ANK3: variants seen among roughly 807,000 people sequenced by gnomAD.
ANK3 encodes ankyrin 3.
In ANK3, 57 loss-of-function variants were observed where a neutral mutation model predicts 370.9. The ratio of observed to expected loss-of-function variants is 0.15; its 90% CI spans 0.12 to 0.19. The LOEUF (loss-of-function observed/expected upper bound fraction) is 0.19, where lower values mean the gene tolerates loss of function less well. Among genes scored for constraint, ANK3 ranks in the 10% least tolerant of loss-of-function variants. ANK3 has a pLI of 1.00. For synonymous variants in ANK3, 1,929 were observed against 1,946.3 expected (o/e 0.99, Z 0.23); for missense variants, 4,439 against 5,302.1 (o/e 0.84, Z 5.06).
chr10:60,293,901 G>A (rs937024145), intron 1 of ANK3, among the ~76,000 whole-genome samples: 1 of 152,146 alleles, frequency 6.6e-6, no homozygotes, highest in Non-Finnish European at 1.5e-5. Flanking sequence ...GGCATTATAC[G>A]TGGTAGATTA....
At chr10:60,031,854 G>C (rs550289126) in intron 43 of ANK3, among the ~76,000 whole-genome samples, 1 of 152,034 alleles carries the variant, frequency 6.6e-6, no homozygotes, top group Non-Finnish European at 1.5e-5. Flanking sequence ...CATGCCCCAG[G>C]TCACTAATGC....
intron 25 of ANK3, among the ~76,000 whole-genome samples, chr10:60,130,705 GCA>G (rs1179168632): frequency 6.6e-6 from 1 of 152,164 alleles, no homozygotes; most frequent in Non-Finnish European, 1.5e-5. Context: ...CATGAGTCTT[GCA>G]CAGTGTATCT....
chr10:60,706,103 C>T (rs1448493940), intron 1 of ANK3, among the ~76,000 whole-genome samples: 3 of 152,138 alleles, frequency 2.0e-5, no homozygotes, highest in African/African-American at 7.2e-5. Flanking sequence ...GCATGAGCCA[C>T]CGCACTGGTG....
At chr10:60,180,810 T>G (rs903936152) in intron 18 of ANK3, among the ~76,000 whole-genome samples, 3 of 151,686 alleles carry the variant, frequency 2.0e-5, no homozygotes, top group Non-Finnish European at 4.4e-5. Context: ...TTAGCAATTT[T>G]TTTTTCTTTT....
chr10:60,316,379 T>C (rs994483845), intron 1 of ANK3, among the ~76,000 whole-genome samples: 5 of 152,190 alleles, frequency 3.3e-5, no homozygotes, highest in African/African-American at 1.2e-4. Context: ...GCTGACAACC[T>C]GGGTTTAAAG....
chr10:60,409,069 C>T (rs1397741188), intron 2 of ANK3, among the ~76,000 whole-genome samples: 1 of 152,192 alleles, frequency 6.6e-6, no homozygotes, highest in Non-Finnish European at 1.5e-5. Context: ...AAAATCCTTA[C>T]TACAAGTTGC....
chr10:60,697,738 T>G (rs1282794690), intron 1 of ANK3, among the ~76,000 whole-genome samples: 1 of 152,120 alleles, frequency 6.6e-6, no homozygotes, highest in African/African-American at 2.4e-5. Flanking sequence ...CCTTACACCT[T>G]ATATAAAAAT....
At chr10:60,160,012 T>C (rs1007768448) in intron 23 of ANK3, among the ~76,000 whole-genome samples, 4 of 151,814 alleles carry the variant, frequency 2.6e-5, no homozygotes, top group Non-Finnish European at 5.9e-5. Flanking sequence ...CTTATAGAAT[T>C]AGAAAAGCAA....
chr10:60,064,107 T>C (rs1447520784), intron 39 of ANK3, 50 bp downstream of exon 39: 1 of 1,492,422 alleles, frequency 6.7e-7, no homozygotes, highest in South Asian at 1.4e-5. Flanking sequence ...TTATCTAAAA[T>C]ATTACATTTA....
intron 23 of ANK3, among the ~76,000 whole-genome samples, chr10:60,163,203 A>T (rs186558810): frequency 1.3e-5 from 2 of 152,278 alleles, no homozygotes; most frequent in East Asian, 3.9e-4. Flanking sequence ...TAAGAATCAA[A>T]CTAGCACTAC....
chr10:60,502,013 T>A (rs947631018), intron 2 of ANK3, among the ~76,000 whole-genome samples: 9 of 151,620 alleles, frequency 5.9e-5, no homozygotes, highest in African/African-American at 2.2e-4. Context: ...AGAGGATACA[T>A]TTTAACATCT....
intron 1 of ANK3, among the ~76,000 whole-genome samples, chr10:60,730,071 T>C (rs1004771546): frequency 2.0e-5 from 3 of 152,206 alleles, no homozygotes; most frequent in African/African-American, 7.2e-5. Flanking sequence ...ATTTTGGAAA[T>C]GTTACCACAT....
At chr10:60,444,858 T>C (rs1022394751) in intron 2 of ANK3, among the ~76,000 whole-genome samples, 1 of 152,208 alleles carries the variant, frequency 6.6e-6, no homozygotes, top group Non-Finnish European at 1.5e-5. Context: ...GATTACAATT[T>C]TGTAGCTACT....
upstream of ANK3, among the ~76,000 whole-genome samples, chr10:60,391,969 C>CT (rs1353770845): frequency 2.6e-5 from 4 of 152,234 alleles, no homozygotes; most frequent in African/African-American, 9.6e-5. Flanking sequence ...GCTCAGATTA[C>CT]TTTTTTAACA....
In ANK3 at chr10:60,134,200, G is replaced by A. The variant is rs2094227541; in HGVS notation, c.2841+71C>T. On this transcript the variant is annotated intron_variant, in intron 25 of 43. Transcript: ENST00000280772. The stretch of plus-strand genomic sequence containing the variant: ...TGCAGAAATATATTTTTTGTCACAA[G>A]ACAGAGAGCTTGATTAAATCATACA... 6.3e-6 allele frequency: 8 copies of A among 1,262,776 alleles called. No homozygotes were observed. In the South Asian group the frequency reaches 6.5e-5, roughly 10 times the overall value. 78.2% of individuals were successfully genotyped at this position (1,262,776 alleles called of 1,614,324 possible).
intron 25 of ANK3, among the ~76,000 whole-genome samples, chr10:60,130,406 G>A (rs2093995956): frequency 6.6e-6 from 1 of 152,196 alleles, no homozygotes; most frequent in Admixed American, 6.5e-5. Context: ...CATTGAAAAA[G>A]AGAAGTGTAT....
intron 36 of ANK3, among the ~76,000 whole-genome samples, chr10:60,078,182 C>T (rs2084271563): frequency 6.6e-6 from 1 of 152,202 alleles, no homozygotes; most frequent in Admixed American, 6.5e-5. Flanking sequence ...CGTGCCATTG[C>T]TACAGTCCAG....
chr10:60,204,994 T>C (rs10994253), intron 11 of ANK3, among the ~76,000 whole-genome samples: 16,116 of 152,046 alleles, frequency 0.11, 1,191 homozygotes, highest in East Asian at 0.28. Context: ...GTCTAGTCTA[T>C]GGAAGTGCCA....
intron 43 of ANK3, among the ~76,000 whole-genome samples, chr10:60,036,362 TTGAG>T (rs2074961617): frequency 4.0e-5 from 6 of 151,490 alleles, no homozygotes; most frequent in Admixed American, 3.3e-4. Context: ...CTGACGCTTA[TTGAG>T]TGCTTACTAA....
Sources: gnomAD v4.1 joint callset for allele counts (sites outside exome capture counted in the v4.1 genomes callset) on GRCh38, gnomAD v4.1.1 for gene constraint, MANE v1.5 for transcripts, NCBI Gene and HGNC (gene_info 2026-07-23, HGNC 2026-07-21) for gene names.